The following SAMD4A variants were observed in gnomAD, a reference collection of about 807,000 sequenced individuals.
SAMD4A encodes protein Smaug homolog 1.
Under a neutral mutation model 81.3 loss-of-function variants are expected in SAMD4A, and 33 were observed. The ratio of observed to expected loss-of-function variants is 0.41; its 90% CI spans 0.31 to 0.54. The LOEUF (loss-of-function observed/expected upper bound fraction) is 0.54. Ranked by LOEUF, SAMD4A falls within the 20% of genes least tolerant of loss-of-function variation. The pLI is 0.37. For missense variants in SAMD4A, 854 were observed against 951.1 expected, an observed-to-expected ratio of 0.90 and a Z score of 1.34; for synonymous variants, 389 against 382.1, an observed-to-expected ratio of 1.02 and a Z score of -0.21.
At chr14:54,593,891 C>T (rs966480466) in intron 2 of SAMD4A, among the ~76,000 whole-genome samples, 2 of 151,950 alleles carry the variant, frequency 1.3e-5, no homozygotes, top group Admixed American at 1.3e-4. Flanking sequence ...AGAATCAGAG[C>T]GGTGGTATTA....
chr14:54,660,530 A>C (rs1165422046), intron 2 of SAMD4A, among the ~76,000 whole-genome samples: 1 of 152,210 alleles, frequency 6.6e-6, no homozygotes, highest in African/African-American at 2.4e-5. Flanking sequence ...CCAGAAGAGG[A>C]GGATGACAGG....
chr14:54,667,387 C>A (rs1196323064), intron 2 of SAMD4A, among the ~76,000 whole-genome samples: 1 of 152,162 alleles, frequency 6.6e-6, no homozygotes, highest in Non-Finnish European at 1.5e-5. Context: ...GAGGGTGGAA[C>A]TTCTCTTTTC....
chr14:54,621,609 G>A (rs536308232), intron 2 of SAMD4A, among the ~76,000 whole-genome samples: 55 of 143,884 alleles, frequency 3.8e-4, no homozygotes, highest in African/African-American at 1.3e-3. Context: ...CTATCCACCC[G>A]CCTCAGCTTC....
At chr14:54,783,414 A>G (rs936398109) in intron 11 of SAMD4A, among the ~76,000 whole-genome samples, 7 of 152,146 alleles carry the variant, frequency 4.6e-5, no homozygotes, top group Admixed American at 4.6e-4. Context: ...CCAGCAGGTG[A>G]GAGGAGGTGG....
intron 11 of SAMD4A, 60 bp downstream of exon 11, chr14:54,776,600 G>T: frequency 6.9e-7 from 1 of 1,444,622 alleles, no homozygotes; most frequent in Non-Finnish European, 9.1e-7. Context: ...AGATGCCCTA[G>T]CAAACCCAGC....
chr14:54,738,151 A>C (rs2057366), intron 4 of SAMD4A, among the ~76,000 whole-genome samples: 59,592 of 152,164 alleles, frequency 0.39, 14,247 homozygotes, highest in Non-Finnish European at 0.55. Flanking sequence ...GGGGACTAGC[A>C]TGCTGAAGGG....
chr14:54,777,220 C>T (rs957411274), intron 11 of SAMD4A, among the ~76,000 whole-genome samples: 4 of 151,930 alleles, frequency 2.6e-5, no homozygotes, highest in Admixed American at 2.6e-4. Flanking sequence ...CCCACTGCCC[C>T]AAGGCAGGCA....
intron 2 of SAMD4A, among the ~76,000 whole-genome samples, chr14:54,695,565 C>T (rs2036553441): frequency 6.6e-6 from 1 of 152,220 alleles, no homozygotes; most frequent in Non-Finnish European, 1.5e-5. Context: ...GACCAGCTCT[C>T]ATTCAGTGTG....
intron 2 of SAMD4A, among the ~76,000 whole-genome samples, chr14:54,612,166 A>G (rs2034373962): frequency 6.6e-6 from 1 of 152,212 alleles, no homozygotes. Context: ...GAAAATAACA[A>G]CTAAAAATTT....
intron 2 of SAMD4A, among the ~76,000 whole-genome samples, chr14:54,627,960 G>A (rs1379073747): frequency 6.6e-6 from 1 of 151,956 alleles, no homozygotes. Context: ...TTTGTCAATG[G>A]TTGGAAATTT....
chr14:54,672,665 T>A (rs1379958647), intron 2 of SAMD4A, among the ~76,000 whole-genome samples: 1 of 152,232 alleles, frequency 6.6e-6, no homozygotes, highest in African/African-American at 2.4e-5. Context: ...TATTATTTTT[T>A]AAGGGTTATA....
intron 4 of SAMD4A, among the ~76,000 whole-genome samples, chr14:54,740,814 C>G (rs2037826979): frequency 6.6e-6 from 1 of 152,218 alleles, no homozygotes. Context: ...TTAATGACAT[C>G]TGCCCACAGT....
chr14:54,655,880 GATA>G (rs1459505110), intron 2 of SAMD4A, among the ~76,000 whole-genome samples: 2 of 152,170 alleles, frequency 1.3e-5, no homozygotes, highest in African/African-American at 4.8e-5. Flanking sequence ...TGTAAATGGG[GATA>G]ATAATATTTG....
intron 2 of SAMD4A, among the ~76,000 whole-genome samples, chr14:54,633,226 A>G (rs574486428): frequency 1.3e-5 from 2 of 152,258 alleles, no homozygotes; most frequent in African/African-American, 4.8e-5. Flanking sequence ...ATTAAATCCT[A>G]GATGATGAAA....
At chr14:54,618,697 T>A (rs2034547025) in intron 2 of SAMD4A, among the ~76,000 whole-genome samples, 4 of 152,228 alleles carry the variant, frequency 2.6e-5, no homozygotes, top group Admixed American at 2.6e-4. Flanking sequence ...AAGGTGTATT[T>A]CCTCAGGGCT....
intron 7 of SAMD4A, among the ~76,000 whole-genome samples, chr14:54,764,248 G>C (rs1032071310): frequency 3.9e-5 from 6 of 152,190 alleles, no homozygotes; most frequent in African/African-American, 1.4e-4. Context: ...ATTAACCCAA[G>C]GGGCTTCTCG....
intron 4 of SAMD4A, among the ~76,000 whole-genome samples, chr14:54,745,711 G>A (rs762172426): frequency 1.3e-5 from 2 of 152,146 alleles, no homozygotes; most frequent in Admixed American, 6.5e-5. Flanking sequence ...TATAGCAAAA[G>A]CATCTTTATC....
intron 7 of SAMD4A, among the ~76,000 whole-genome samples, chr14:54,762,927 T>C (rs1230140405): frequency 6.6e-6 from 1 of 151,452 alleles, no homozygotes; most frequent in African/African-American, 2.4e-5. Flanking sequence ...CGATCTAGGC[T>C]TACTGCAAGC....
intron 11 of SAMD4A, among the ~76,000 whole-genome samples, chr14:54,782,538 C>T (rs939671652): frequency 2.6e-5 from 4 of 152,148 alleles, no homozygotes; most frequent in South Asian, 2.1e-4. Flanking sequence ...GGTGGAGACT[C>T]CTGCCATTCT....
Sources: allele counts gnomAD v4.1 joint callset (sites outside exome capture counted in the v4.1 genomes callset), GRCh38; gene constraint gnomAD v4.1.1; transcripts MANE v1.5; gene names NCBI Gene and HGNC (gene_info 2026-07-23, HGNC 2026-07-21).